The following IL3RA variants were observed in gnomAD, a reference collection of about 807,000 sequenced individuals.
IL3RA encodes interleukin-3 receptor subunit alpha.
A neutral mutation model predicts 52.3 loss-of-function variants in IL3RA; 73 were observed. The ratio of observed to expected loss-of-function variants is 1.40; its 90% confidence interval spans 1.16 to 1.70. The LOEUF is 1.70. Among genes scored for constraint, IL3RA ranks in the 40% most tolerant of loss-of-function variants. The pLI, the probability that IL3RA is intolerant of heterozygous loss-of-function variation, is 0.00. For missense variants in IL3RA, 664 were observed against 504.4 expected (o/e 1.32, Z -3.03); for synonymous variants, 260 against 194.0 (o/e 1.34, Z -2.83).
rs765527432 is a variant in IL3RA at position 1,361,952 on chromosome X, G to C, written c.759+3065G>C. On this transcript the variant is annotated intron_variant, in intron 8 of 11. Transcript: ENST00000331035. ...TACAATTCAAGATGAGATTTGGGTGGGGACACAGCCAAACTACATCACCCA... is the reference window on the plus strand; with the variant it reads ...TACAATTCAAGATGAGATTTGGGTGCGGACACAGCCAAACTACATCACCCA... Among the ~76,000 whole-genome samples the C allele has an allele frequency of 2.0e-5, 3 of 151,902 alleles. No homozygotes were observed. The East Asian group carries it at 5.8e-4, about 29-fold the overall frequency.
At chrX:1,338,862 C>T (rs753344665) in intron 1 of IL3RA, among the ~76,000 whole-genome samples, 4 of 152,064 alleles carry the variant, frequency 2.6e-5, no homozygotes, top group East Asian at 1.9e-4. Flanking sequence ...TGCAGTGGCG[C>T]GATCTCAGCT....
At position 1,382,623 on chromosome X, in the gene IL3RA, G is replaced by A; in HGVS notation, c.*158G>A. On this transcript the variant is annotated 3_prime_UTR_variant, in exon 12 of 12. Transcript: ENST00000331035. The stretch of plus-strand genomic sequence containing the variant: ...TGCCTGTGTAATTTCGTCCGAAGCT[G>A]CCAGGAAGAAGAACAGAACTTTGTG... 2.9e-6 allele frequency: 2 copies of A among 685,924 alleles called. No homozygotes were observed. The highest frequency in any genetic ancestry group is 5.3e-6 in the Non-Finnish European group (2 of 379,644). The allele number at this position is 685,924 out of a possible 1,614,324, so 42.5% of individuals were successfully genotyped here. A position where few individuals can be genotyped will look rare whatever the true frequency, so the allele number is the denominator to read the frequency against.
chrX:1,340,323 C>T (rs1193173616), intron 1 of IL3RA, among the ~76,000 whole-genome samples: 16 of 151,952 alleles, frequency 1.1e-4, no homozygotes, highest in African/African-American at 2.7e-4. Flanking sequence ...ACCATGTTAG[C>T]CAGGCTGGTC....
At chrX:1,342,839 C>T (rs1487787921) in intron 2 of IL3RA, among the ~76,000 whole-genome samples, 1 of 150,914 alleles carries the variant, frequency 6.6e-6, no homozygotes, top group African/African-American at 2.4e-5. Context: ...TTTGGGAGGC[C>T]AAGGCAGGTG....
rs17880240 is a variant in IL3RA at position 1,352,267 on chromosome X, C to G, written c.431+35C>G. The stretch of plus-strand genomic sequence containing the variant: ...CCCGTGGGCAGAGGCCGGGCTGTCC[C>G]TGGTGCGGGTGCCATCGGCGTGGGG... On this transcript the variant is annotated intron_variant, in intron 5 of 11. Transcript: ENST00000331035. The G allele has an allele frequency of 2.5e-3, 3,953 of 1,613,184 alleles. 103 individuals are homozygous for G. The African/African-American group carries it at 0.048, about 19-fold the overall frequency.
chrX:1,354,712 T>G (rs1412294838), intron 6 of IL3RA, among the ~76,000 whole-genome samples: 157 of 23,340 alleles, frequency 6.7e-3, no homozygotes, highest in African/African-American at 0.01. Context: ...GAGAAGAAAA[T>G]GGAGGGAAAG....
chrX:1,363,092 T>A (rs2087592766), intron 8 of IL3RA, among the ~76,000 whole-genome samples: 1 of 151,004 alleles, frequency 6.6e-6, no homozygotes, highest in South Asian at 2.1e-4. Context: ...CCTCTTCTTA[T>A]AAGGATATTG....
rs1414488093 is a variant in IL3RA, at chrX:1,363,365, A to G, written c.760-1773A>G. Among the ~76,000 whole-genome samples the G allele has an allele frequency of 6.1e-5, 9 of 148,320 alleles. No individual in the cohort carries two copies. The South Asian group carries it at 8.6e-4, about 14-fold the overall frequency. ...ACCCAGGCTGGAGTGCAGTGGCGCA[A>G]TCTCGGCTCACTGCAAGCTCCGCCT... On this transcript the variant is annotated intron_variant, in intron 8 of 11. Coordinates refer to ENST00000331035, the MANE Select transcript of IL3RA (RefSeq NM_002183.4).
intron 4 of IL3RA, among the ~76,000 whole-genome samples, chrX:1,350,716 A>G (rs1482575422): frequency 6.7e-6 from 1 of 150,342 alleles, no homozygotes. Context: ...CCCGGCTAAC[A>G]TGGTGAAACC....
At chrX:1,382,269 C>T (rs1426719220) in intron 11 of IL3RA, 122 bp from the exon 12 acceptor site, 65 of 911,732 alleles carry the variant, frequency 7.1e-5, no homozygotes, top group Non-Finnish European at 1.1e-4. Flanking sequence ...GGATGACAGG[C>T]GTGAGACACC....
Position 1,381,074 on chromosome X carries a change from C to T in IL3RA, c.1032C>T (p.Pro344=), listed in dbSNP as rs763258269. Residue 344 remains proline, a synonymous_variant, in exon 11 of 12, where the codon CCC becomes CCT. Coordinates refer to ENST00000331035, the MANE Select transcript of IL3RA (RefSeq NM_002183.4). ...CCCGCATCCCTCACATGAAAGACCC[C>T]ATCGGTGACAGCTTCCAAAACGACA... is the stretch of plus-strand genomic sequence containing the variant. The part of the protein sequence containing the change: ...LFPRIPHMKD[P]IGDSFQNDKL... 2.5e-6 allele frequency: 4 copies of T among 1,613,842 alleles called. No individual in the cohort carries two copies. The South Asian group carries it at 3.3e-5, about 13-fold the overall frequency.
At position 1,365,184 on chromosome X, in the gene IL3RA, C is replaced by T; in HGVS notation, c.806C>T (p.Thr269Ile). ...CAGCTACTCAATCCTGGAACGTACA[C>T]AGTACAAATAAGAGCCCGGGAAAGA... ...SFQLLNPGTY[T>I]VQIRARERVY... Residue 269 changes from threonine (T) to isoleucine (I), a missense_variant, in exon 9 of 12, where the codon ACA (threonine) becomes ATA (isoleucine). By Grantham distance (89) the Thr-to-Ile change is moderately conservative. Transcript: ENST00000331035. The T allele has an allele frequency of 1.9e-6, 3 of 1,611,462 alleles. No homozygotes were observed. The highest frequency in any genetic ancestry group is 1.7e-5 in the Admixed American group (1 of 59,980).
chrX:1,353,624 T>C (rs1249370389), intron 6 of IL3RA, among the ~76,000 whole-genome samples: 1 of 56,116 alleles, frequency 1.8e-5, no homozygotes, highest in Non-Finnish European at 3.2e-5. Context: ...TCATGGGTCA[T>C]GGGACCCCCC....
Position 1,352,410 on chromosome X carries a change from T to C in IL3RA, c.520T>C (p.Ser174Pro). ...TCGTTTCGATGACATCTCTCGACTCTCCAGCGGTTCTCAAAGTTCCCACAT... is the reference window on the plus strand; with the variant it reads ...TCGTTTCGATGACATCTCTCGACTCCCCAGCGGTTCTCAAAGTTCCCACAT... ...GCRFDDISRL[S>P]SGSQSSHILV... The change falls in exon 6 of 12, where the codon TCC (serine) becomes CCC (proline). Residue 174 changes from serine to proline, a missense_variant. Coordinates refer to ENST00000331035, the MANE Select transcript of IL3RA (RefSeq NM_002183.4). 6.2e-6 allele frequency: 10 copies of C among 1,613,876 alleles called. No individual in the cohort carries two copies. The highest frequency in any genetic ancestry group is 8.5e-6 in the Non-Finnish European group (10 of 1,179,860).
At position 1,378,756 on chromosome X, in the gene IL3RA, C is replaced by A. The variant is rs1487295776; in HGVS notation, c.972C>A (p.Ile324=). ...TGGCCCTGGTCTGTGTCTTCGTGATCTGCAGAAGGTGAGCCCTCGAGGGCG... is the reference window on the plus strand; with the variant it reads ...TGGCCCTGGTCTGTGTCTTCGTGATATGCAGAAGGTGAGCCCTCGAGGGCG... ...TLLALVCVFV[I]CRRYLVMQRL... is the part of the protein sequence containing the mutation. The change falls in exon 10 of 12, where the codon ATC becomes ATA. Residue 324 remains isoleucine (I), a synonymous_variant. Coordinates refer to ENST00000331035, the MANE Select transcript of IL3RA (RefSeq NM_002183.4). The A allele has an allele frequency of 1.9e-6, 3 of 1,612,358 alleles. No individual in the cohort carries two copies. The African/African-American group carries it at 4.0e-5, about 21-fold the overall frequency.
Position 1,378,645 on chromosome X carries a change from C to G in IL3RA, c.875-14C>G. The G allele has an allele frequency of 6.2e-7, 1 of 1,610,114 alleles. No individual in the cohort carries two copies. Among genetic ancestry groups the G allele is most frequent in the Non-Finnish European group, 8.5e-7 (1 of 1,178,292 alleles). ...CGGCCCCCGGTCTGTGACCCTCTCA[C>G]CCTTTACCCCTAGAGTGCGACCAGG... On this transcript the variant is annotated splice_polypyrimidine_tract_variant and intron_variant, in intron 9 of 11. Coordinates refer to ENST00000331035, the MANE Select transcript of IL3RA (RefSeq NM_002183.4).
chrX:1,339,845 C>T (rs1180081903), intron 1 of IL3RA, among the ~76,000 whole-genome samples: 1 of 151,844 alleles, frequency 6.6e-6, no homozygotes. Flanking sequence ...GCTGCCACCC[C>T]AGAGCACAGT....
In IL3RA at chrX:1,348,544, C is replaced by T; in HGVS notation, c.297C>T (p.Asn99=). ...PFSTWILFPE[N]SGKPWAGAEN... is the part of the protein sequence containing the mutation. ...CCACGTGGATCCTCTTCCCTGAGAA[C>T]AGTGAGAAAAATGTTCATTGTTTGT... Residue 99 remains asparagine (N), a splice_region_variant and synonymous_variant, in exon 4 of 12, where the codon AAC becomes AAT. Coordinates refer to ENST00000331035, the MANE Select transcript of IL3RA (RefSeq NM_002183.4). 6.2e-7 allele frequency: 1 copy of T among 1,608,224 alleles called. No homozygotes were observed. The highest frequency in any genetic ancestry group is 8.5e-7 in the Non-Finnish European group (1 of 1,174,688).
chrX:1,370,812 G>T (rs2088532269), intron 9 of IL3RA, among the ~76,000 whole-genome samples: 1 of 80,318 alleles, frequency 1.2e-5, no homozygotes, highest in Admixed American at 1.4e-4. Flanking sequence ...AGGACACAGG[G>T]AGAAGACGGC....
Sources: allele counts gnomAD v4.1 joint callset (sites outside exome capture counted in the v4.1 genomes callset), GRCh38; gene constraint gnomAD v4.1.1; transcripts MANE v1.5; gene names NCBI Gene and HGNC (gene_info 2026-07-23, HGNC 2026-07-21).